The following IL23R variants were observed in gnomAD, a reference collection of about 807,000 sequenced individuals.
The protein encoded by IL23R is interleukin-23 receptor.
IL23R carries 34 observed loss-of-function variants against 56.9 expected under a neutral mutation model. The ratio of observed to expected loss-of-function variants is 0.60; its 90% CI spans 0.45 to 0.80. The LOEUF (loss-of-function observed/expected upper bound fraction) is 0.80, where lower values mean the gene tolerates loss of function less well. IL23R is among the 30% of genes least tolerant of loss of function. The pLI is 0.00. For synonymous variants in IL23R, 230 were observed against 249.2 expected (o/e 0.92, Z 0.73); for missense variants, 635 against 730.0 (o/e 0.87, Z 1.50).
intron 3 of IL23R, among the ~76,000 whole-genome samples, chr1:67,178,561 C>T (rs1223951316): frequency 2.0e-5 from 3 of 152,218 alleles, no homozygotes; most frequent in Non-Finnish European, 4.4e-5. Context: ...ATGTCATCTG[C>T]AAACAGGGAC....
Position 67,259,051 on chromosome 1 carries a change from T to C in IL23R, c.1813T>C (p.Leu605=), listed in dbSNP as rs778971280. ...VSCLGIVNEE[L]PSINTYFPQN... ...CTGTTTGGGGATCGTGAATGAGGAG[T>C]TGCCATCTATTAATACTTATTTTCC... The change falls in exon 11 of 11, where the codon TTG becomes CTG. Residue 605 remains leucine (L), a synonymous_variant. Coordinates refer to ENST00000347310, the MANE Select transcript of IL23R (RefSeq NM_144701.3). The C allele has an allele frequency of 1.9e-6, 3 of 1,613,716 alleles. No individual in the cohort carries two copies. In the South Asian group the frequency reaches 3.3e-5, roughly 18 times the overall value.
intron 1 of IL23R, among the ~76,000 whole-genome samples, chr1:67,167,645 G>A (rs752377600): frequency 6.6e-6 from 1 of 152,128 alleles, no homozygotes; most frequent in Non-Finnish European, 1.5e-5. Flanking sequence ...GACCGCTTGA[G>A]CCCAGGAGTT....
At chr1:67,225,145 G>A (rs914213713) in intron 7 of IL23R, among the ~76,000 whole-genome samples, 3 of 152,158 alleles carry the variant, frequency 2.0e-5, no homozygotes, top group South Asian at 2.1e-4. Flanking sequence ...CTACACATTA[G>A]CTAGTAATAA....
chr1:67,180,051 T>C, intron 3 of IL23R, among the ~76,000 whole-genome samples: 1 of 145,954 alleles, frequency 6.9e-6, no homozygotes, highest in Middle Eastern at 3.2e-3. Flanking sequence ...ATGTGGTCAA[T>C]TTGGAAGAGG....
At chr1:67,209,805 T>C (rs79574549) in intron 6 of IL23R, among the ~76,000 whole-genome samples, 1 of 152,232 alleles carries the variant, frequency 6.6e-6, no homozygotes, top group Non-Finnish European at 1.5e-5. Flanking sequence ...ATGATTATTG[T>C]ATGCTTGCAA....
intron 7 of IL23R, among the ~76,000 whole-genome samples, chr1:67,222,102 CTTTTTTTTTTTTT>C (rs72241835): frequency 2.0e-3 from 120 of 58,908 alleles, no homozygotes; most frequent in African/African-American, 7.3e-3. Context: ...TTCTTTCTTT[CTTTTTTTTTTTTT>C]TTTTTTTTTT....
intron 6 of IL23R, among the ~76,000 whole-genome samples, chr1:67,216,627 G>A (rs987430260): frequency 2.0e-5 from 3 of 152,110 alleles, no homozygotes; most frequent in Non-Finnish European, 4.4e-5. Context: ...TTCATTTTTG[G>A]ACACTGAAAT....
At chr1:67,198,503 T>G (rs1648346898) in intron 4 of IL23R, among the ~76,000 whole-genome samples, 1 of 152,232 alleles carries the variant, frequency 6.6e-6, no homozygotes, top group Non-Finnish European at 1.5e-5. Context: ...CTTAGATAAA[T>G]ATGCTTTGAA....
chr1:67,195,953 G>C (rs1387649353), intron 4 of IL23R, among the ~76,000 whole-genome samples: 1 of 152,106 alleles, frequency 6.6e-6, no homozygotes, highest in Non-Finnish European at 1.5e-5. Flanking sequence ...GTTTAATCCT[G>C]GTGGGATATT....
chr1:67,172,513 C>T (rs1365551663), intron 3 of IL23R, among the ~76,000 whole-genome samples: 2 of 152,152 alleles, frequency 1.3e-5, no homozygotes, highest in East Asian at 3.8e-4. Context: ...ACTAAATGCA[C>T]ACATATTATG....
intron 1 of IL23R, among the ~76,000 whole-genome samples, chr1:67,158,531 G>A (rs181122592): frequency 2.4e-4 from 37 of 152,180 alleles, no homozygotes; most frequent in Non-Finnish European, 2.6e-4. Flanking sequence ...TAGGAAAAGC[G>A]TGGCAACTCA....
intron 6 of IL23R, among the ~76,000 whole-genome samples, chr1:67,211,626 GAA>G (rs80202587): frequency 1.5e-5 from 2 of 137,312 alleles, no homozygotes; most frequent in African/African-American, 5.4e-5. Context: ...GTCTCCAGAG[GAA>G]AAAAAAAAAA....
intron 9 of IL23R, among the ~76,000 whole-genome samples, chr1:67,253,505 C>T (rs577836470): frequency 3.3e-5 from 5 of 152,202 alleles, no homozygotes; most frequent in Admixed American, 6.5e-5. Flanking sequence ...ATCTTTCTTT[C>T]GTTTACATTT....
chr1:67,199,137 C>G (rs1486378767), intron 4 of IL23R, among the ~76,000 whole-genome samples: 1 of 152,208 alleles, frequency 6.6e-6, no homozygotes, highest in East Asian at 1.9e-4. Context: ...CACTTTCTAT[C>G]ACTTACATGA....
chr1:67,195,047 T>A (rs1049727908), intron 4 of IL23R, among the ~76,000 whole-genome samples: 2 of 152,226 alleles, frequency 1.3e-5, no homozygotes, highest in African/African-American at 4.8e-5. Flanking sequence ...TCTTCTTTTT[T>A]TATTTAAATG....
intron 4 of IL23R, among the ~76,000 whole-genome samples, chr1:67,197,968 G>T (rs1212235922): frequency 1.4e-5 from 2 of 139,510 alleles, no homozygotes; most frequent in East Asian, 4.1e-4. Flanking sequence ...GAAAAGAAAA[G>T]AAATACCTGA....
intron 1 of IL23R, among the ~76,000 whole-genome samples, chr1:67,154,519 CTCTG>C (rs976886023): frequency 6.6e-6 from 1 of 152,090 alleles, no homozygotes; most frequent in Non-Finnish European, 1.5e-5. Context: ...TAATGCCCTT[CTCTG>C]TCTTTTTTTA....
chr1:67,232,425 C>T (rs1349886628), intron 7 of IL23R, among the ~76,000 whole-genome samples: 1 of 152,162 alleles, frequency 6.6e-6, no homozygotes, highest in Non-Finnish European at 1.5e-5. Flanking sequence ...AGGGCTGACT[C>T]TGCCTCCCAC....
At chr1:67,242,413 T>C (rs781705485) in intron 9 of IL23R, among the ~76,000 whole-genome samples, 6 of 152,146 alleles carry the variant, frequency 3.9e-5, no homozygotes, top group Non-Finnish European at 8.8e-5. Context: ...ACTTCTATTG[T>C]TCATAGAGGC....
Sources: allele counts gnomAD v4.1 joint callset (sites outside exome capture counted in the v4.1 genomes callset), GRCh38; gene constraint gnomAD v4.1.1; transcripts MANE v1.5; gene names NCBI Gene and HGNC (gene_info 2026-07-23, HGNC 2026-07-21).